TAS1R2: variants seen among roughly 807,000 people sequenced by gnomAD.
The protein encoded by TAS1R2 is taste 1 receptor member 2.
TAS1R2 carries 47 observed loss-of-function variants against 49.3 expected under a neutral mutation model. That is an observed-to-expected ratio of 0.95 (90% confidence interval 0.75 to 1.22). The LOEUF is 1.22. Ranked by LOEUF, TAS1R2 falls within the 50% of genes most tolerant of loss-of-function variation. The probability of loss-of-function intolerance (pLI) is 0.00; values close to 1 mark genes in which losing one functional copy is unlikely to be tolerated. For missense variants in TAS1R2, 1,155 were observed against 1,122.1 expected (o/e 1.03, Z -0.42); for synonymous variants, 479 against 467.9 (o/e 1.02, Z -0.31).
Position 18,854,803 on chromosome 1 carries a change from G to A in TAS1R2, c.667C>T (p.Leu223Phe). 2 of 1,606,358 alleles carry A rather than the reference G, an allele frequency of 1.2e-6. No individual in the cohort carries two copies. Among genetic ancestry groups the A allele is most frequent in the Non-Finnish European group, 1.7e-6 (2 of 1,178,920 alleles). Residue 223 changes from leucine (L) to phenylalanine (F), a missense_variant, in exon 3 of 6, where the codon CTT becomes TTT. Physicochemically the swap from Leu to Phe is conservative, Grantham distance 22. Transcript: ENST00000375371. The surrounding 1 kb of genome is among the most constrained non-coding windows in gnomAD (Gnocchi z 4.9). ...TCGCGCCGGGCCACGCGCTCGCCAA[G>A]CAGCTGGCCATTGTCGCGGCCATAG... is the stretch of plus-strand genomic sequence containing the variant.
At chr1:18,843,998 G>A in intron 4 of TAS1R2, among the ~76,000 whole-genome samples, 1 of 152,200 alleles carries the variant, frequency 6.6e-6, no homozygotes, top group East Asian at 1.9e-4. Context: ...TAAGACCTCA[G>A]GGAGAGATTC....
In TAS1R2 at chr1:18,854,143, C is replaced by G; in HGVS notation, c.1257+70G>C. Reference sequence around the variant, plus strand: ...ATGGGATACTCATGCCCTTTCACACCCATTTGCCCAGAACCCCAGGGGAGG... The same window carrying G: ...ATGGGATACTCATGCCCTTTCACACGCATTTGCCCAGAACCCCAGGGGAGG... On this transcript the variant is annotated intron_variant, in intron 3 of 5. Transcript: ENST00000375371. The surrounding 1 kb of genome is among the most constrained non-coding windows in gnomAD (Gnocchi z 4.9). 1.4e-6 allele frequency: 2 copies of G among 1,461,538 alleles called. No homozygotes were observed. Among genetic ancestry groups the G allele is most frequent in the East Asian group, 2.3e-5 (1 of 42,836 alleles). The allele number at this position is 1,461,538 out of a possible 1,614,324, so 90.5% of individuals were successfully genotyped here.
intron 5 of TAS1R2, 140 bp from the exon 6 acceptor site, chr1:18,840,667 A>G: frequency 1.3e-6 from 1 of 797,902 alleles, no homozygotes; most frequent in Non-Finnish European, 2.0e-6. Context: ...AGTACTCCTC[A>G]AGTCTCATGT....
exon 6 of TAS1R2, chr1:18,840,484 G>A: frequency 6.2e-7 from 1 of 1,614,188 alleles, no homozygotes; most frequent in Non-Finnish European, 8.5e-7. Context: ...TCTCACTCTG[G>A]TAGGACCACT....
chr1:18,843,774 G>A (rs1469848163), intron 4 of TAS1R2, among the ~76,000 whole-genome samples: 4 of 152,160 alleles, frequency 2.6e-5, no homozygotes, highest in Admixed American at 6.5e-5. Context: ...GAGTCCTGCT[G>A]GGCCATCATG....
intron 2 of TAS1R2, 91 bp from the exon 3 acceptor site, chr1:18,855,077 G>A: frequency 6.7e-7 from 1 of 1,500,604 alleles, no homozygotes; most frequent in Non-Finnish European, 9.0e-7. Flanking sequence ...CATCTGGGAA[G>A]CACCTAGTGC....
chr1:18,843,559 G>A (rs1933865256), intron 4 of TAS1R2, among the ~76,000 whole-genome samples: 1 of 152,238 alleles, frequency 6.6e-6, no homozygotes, highest in Non-Finnish European at 1.5e-5. Flanking sequence ...TTTCAAGGCA[G>A]AGGGTAACAA....
At chr1:18,848,253 C>G (rs1461581749) in intron 4 of TAS1R2, among the ~76,000 whole-genome samples, 1 of 152,144 alleles carries the variant, frequency 6.6e-6, no homozygotes, top group Non-Finnish European at 1.5e-5. Flanking sequence ...CTCTCGGTGC[C>G]TTCAGTTTCC....
At chr1:18,841,074 C>G (rs1481955434) in intron 5 of TAS1R2, among the ~76,000 whole-genome samples, 1 of 152,218 alleles carries the variant, frequency 6.6e-6, no homozygotes, top group Non-Finnish European at 1.5e-5. Flanking sequence ...CTGCTAGGCA[C>G]ATATTAAATA....
Position 18,859,139 on chromosome 1 carries a change from T to C in TAS1R2, c.182+340A>G, listed in dbSNP as rs145950825. Among the ~76,000 whole-genome samples, 733 of 152,268 alleles carry C rather than the reference T, an allele frequency of 4.8e-3. 2 individuals are homozygous for C. The highest frequency in any genetic ancestry group is 6.5e-3 in the African/African-American group (269 of 41,542). On this transcript the variant is annotated intron_variant, in intron 1 of 5. Transcript: ENST00000375371. ...CAGAATGGGCTTTGACATGGACCCA[T>C]TGGGAGTCCCCCAGTTGCCAAAGTG...
exon 2 of TAS1R2, chr1:18,857,513 C>A (rs1291307695): frequency 1.2e-6 from 2 of 1,614,108 alleles, no homozygotes; most frequent in Admixed American, 1.7e-5. Flanking sequence ...ATGTAGCACA[C>A]ATCCACGATC....
rs770100794 is a variant in TAS1R2 at position 18,854,267 on chromosome 1, G to T, written c.1203C>A (p.Ser401Arg). 1 of 1,614,180 alleles carries T rather than the reference G, an allele frequency of 6.2e-7. No individual in the cohort carries two copies. Among genetic ancestry groups the T allele is most frequent in the Non-Finnish European group, 8.5e-7 (1 of 1,180,030 alleles). Residue 401 changes from serine (S) to arginine (R), a missense_variant, in exon 3 of 6, where the codon AGC becomes AGA. Ser to Arg is a moderately radical substitution (Grantham distance 110). Transcript: ENST00000375371. The surrounding 1 kb of genome is among the most constrained non-coding windows in gnomAD (Gnocchi z 4.9). ...AGGTGCTTTTGTCACAGCCGAGGAG[G>T]CTGTGCAGGGCATGGGCCACAGCAT...
chr1:18,841,982 T>TTTA, intron 4 of TAS1R2, 130 bp from the exon 5 acceptor site: 2 of 521,026 alleles, frequency 3.8e-6, no homozygotes, highest in Non-Finnish European at 5.2e-6. Flanking sequence ...GTGGAAACTG[T>TTTA]AGAAAAAAAA....
chr1:18,846,371 A>T lies in TAS1R2; in HGVS notation c.1467+2970T>A, dbSNP rs144164857. Reference sequence around the variant, plus strand: ...AGATTGACCTCCAGTTGCTCAGAGTAGTGTGTGGCTTGAGGTTGTTCTCTT... The same window carrying T: ...AGATTGACCTCCAGTTGCTCAGAGTTGTGTGTGGCTTGAGGTTGTTCTCTT... On this transcript the variant is annotated intron_variant, in intron 4 of 5. Transcript: ENST00000375371. 5.6e-3 allele frequency among the ~76,000 whole-genome samples: 852 copies of T among 152,240 alleles called. 9 individuals are homozygous for T. Among genetic ancestry groups the T allele is most frequent in the African/African-American group, 0.019 (806 of 41,534 alleles).
At chr1:18,859,147 C>T (rs967625768) in intron 1 of TAS1R2, among the ~76,000 whole-genome samples, 1 of 152,148 alleles carries the variant, frequency 6.6e-6, no homozygotes. Context: ...CATTGGGAGT[C>T]CCCCAGTTGC....
Position 18,855,396 on chromosome 1 carries a change from C to T in TAS1R2, c.484-410G>A, listed in dbSNP as rs151101568. Among the ~76,000 whole-genome samples the T allele has an allele frequency of 1.1e-3, 167 of 152,296 alleles. 2 individuals carry two copies. Among genetic ancestry groups the T allele is most frequent in the South Asian group, 7.5e-3 (36 of 4,820 alleles). On this transcript the variant is annotated intron_variant, in intron 2 of 5. Coordinates refer to ENST00000375371, the Ensembl canonical transcript of TAS1R2. ...GCGCTTTCCTCCTCCCCCTCATCAC[C>T]GTCAGGCTCATCAACTAGCCACATT...
At chr1:18,856,073 A>C (rs1442912444) in intron 2 of TAS1R2, among the ~76,000 whole-genome samples, 1 of 151,628 alleles carries the variant, frequency 6.6e-6, no homozygotes, top group Non-Finnish European at 1.5e-5. Flanking sequence ...TCTTCTCAGA[A>C]CTCCTCAACA....
chr1:18,845,174 A>G (rs1404224082), intron 4 of TAS1R2, among the ~76,000 whole-genome samples: 2 of 152,178 alleles, frequency 1.3e-5, no homozygotes, highest in Non-Finnish European at 2.9e-5. Flanking sequence ...TCAGATCAGG[A>G]GTCAACTTCA....
At chr1:18,857,697 C>A (rs369073002) in intron 1 of TAS1R2, 66 bp from the exon 2 acceptor site, 1 of 1,520,124 alleles carries the variant, frequency 6.6e-7, no homozygotes. Flanking sequence ...GATAAGAGAA[C>A]CAGCCCACTC....
Sources: gnomAD v4.1 joint callset for allele counts (sites outside exome capture counted in the v4.1 genomes callset) on GRCh38, gnomAD v4.1.1 for gene constraint, Gnocchi (gnomAD v3.1) non-coding constraint, MANE v1.5 for transcripts, NCBI Gene and HGNC (gene_info 2026-07-23, HGNC 2026-07-21) for gene names.